RIMS2: variants seen among roughly 807,000 people sequenced by gnomAD.
The protein encoded by RIMS2 is regulating synaptic membrane exocytosis protein 2.
A neutral mutation model predicts 174.4 loss-of-function variants in RIMS2; 59 were observed. That is an observed-to-expected ratio of 0.34 (90% CI 0.27 to 0.42). The LOEUF is 0.42. RIMS2 is among the 10% of genes least tolerant of loss of function. The probability of loss-of-function intolerance (pLI) is 1.00; values close to 1 mark genes in which losing one functional copy is unlikely to be tolerated. For synonymous variants in RIMS2, 606 were observed against 572.5 expected (o/e 1.06, Z -0.84); for missense variants, 1,620 against 1,666.3 (o/e 0.97, Z 0.48).
intron 2 of RIMS2, among the ~76,000 whole-genome samples, chr8:103,707,309 C>A (rs1380350690): frequency 6.6e-6 from 1 of 152,162 alleles, no homozygotes; most frequent in African/African-American, 2.4e-5. Context: ...GTCATATGTT[C>A]CTGAATGTTC....
chr8:103,761,693 A>T (rs537481617), intron 2 of RIMS2, among the ~76,000 whole-genome samples: 12 of 152,350 alleles, frequency 7.9e-5, no homozygotes, highest in African/African-American at 2.9e-4. Context: ...AAGTTGTTGA[A>T]TAGCTAGCCA....
chr8:103,599,984 A>T (rs1339048936), intron 1 of RIMS2, among the ~76,000 whole-genome samples: 1 of 151,932 alleles, frequency 6.6e-6, no homozygotes, highest in Non-Finnish European at 1.5e-5. Flanking sequence ...ATATGGTCTT[A>T]CTCATTCTTT....
intron 1 of RIMS2, among the ~76,000 whole-genome samples, chr8:103,607,343 G>A (rs1466420471): frequency 1.3e-5 from 2 of 151,930 alleles, no homozygotes; most frequent in Non-Finnish European, 2.9e-5. Flanking sequence ...ACTCTCTTCT[G>A]GCTTGTAGGG....
At position 103,587,458 on chromosome 8, in the gene RIMS2, A is replaced by AAGAAAGAAAGAAAGAG. The variant is rs1554653614; in HGVS notation, c.176+86409_176+86410insGAGAGAAAGAAAGAAA. The stretch of plus-strand genomic sequence containing the variant: ...AAAGAAAGAAAGAAAGAAAGAAAGA[A>AAGAAAGAAAGAAAGAG]AGAAAGAAAGAAACTATGCACCAAT... On this transcript the variant is annotated intron_variant, in intron 1 of 23. Transcript: ENST00000504942. Among the ~76,000 whole-genome samples, 9 of 116,058 alleles carry AAGAAAGAAAGAAAGAG rather than the reference A, an allele frequency of 7.8e-5. No homozygotes were observed. The East Asian group carries it at 1.6e-3, about 21-fold the overall frequency. 76.1% of individuals were successfully genotyped at this position (116,058 alleles called of 152,430 possible).
At chr8:104,251,574 A>G (rs982706521) in intron 23 of RIMS2, 28 bp from the exon 30 acceptor site, 2 of 1,187,638 alleles carry the variant, frequency 1.7e-6, no homozygotes, top group Non-Finnish European at 2.5e-6. Flanking sequence ...TTACACTGAC[A>G]TCACTCTACT....
intron 1 of RIMS2, among the ~76,000 whole-genome samples, chr8:103,553,647 G>A (rs928451381): frequency 2.6e-5 from 4 of 151,926 alleles, no homozygotes; most frequent in African/African-American, 9.7e-5. Flanking sequence ...TACAGATTCA[G>A]TGCTATTCCT....
intron 2 of RIMS2, among the ~76,000 whole-genome samples, chr8:103,752,312 C>G (rs959987109): frequency 5.3e-5 from 8 of 152,016 alleles, no homozygotes; most frequent in African/African-American, 1.9e-4. Flanking sequence ...TGATCTATAT[C>G]TCTGTTTTGG....
At chr8:104,208,319 C>T (rs1454788206) in intron 19 of RIMS2, among the ~76,000 whole-genome samples, 2 of 151,782 alleles carry the variant, frequency 1.3e-5, no homozygotes, top group Non-Finnish European at 2.9e-5. Context: ...TGTAATCCCA[C>T]CATTTTGGGA....
intron 14 of RIMS2, among the ~76,000 whole-genome samples, chr8:103,946,562 T>C (rs2083837455): frequency 6.6e-6 from 1 of 152,020 alleles, no homozygotes; most frequent in South Asian, 2.1e-4. Flanking sequence ...ACAAAAGATG[T>C]TCAAACTCGT....
chr8:104,166,640 A>G (rs1403965599), intron 19 of RIMS2, among the ~76,000 whole-genome samples: 2 of 152,046 alleles, frequency 1.3e-5, no homozygotes, highest in Non-Finnish European at 2.9e-5. Flanking sequence ...AGCATACTCA[A>G]GGAACTAAAA....
chr8:103,599,316 G>A (rs1461592519), intron 1 of RIMS2, among the ~76,000 whole-genome samples: 1 of 150,114 alleles, frequency 6.7e-6, no homozygotes, highest in African/African-American at 2.5e-5. Context: ...AACTGTCCAA[G>A]GTATCACAAG....
At chr8:103,991,919 A>G (rs1322420519) in intron 17 of RIMS2, among the ~76,000 whole-genome samples, 1 of 152,146 alleles carries the variant, frequency 6.6e-6, no homozygotes, top group African/African-American at 2.4e-5. Context: ...GACTCGTATC[A>G]ACTTTATTGA....
intron 2 of RIMS2, among the ~76,000 whole-genome samples, chr8:103,701,506 A>G (rs1311227242): frequency 6.6e-6 from 1 of 152,046 alleles, no homozygotes; most frequent in Non-Finnish European, 1.5e-5. Context: ...TCTTGTTGTA[A>G]CTGAGCACTG....
At chr8:103,667,324 C>T (rs2096683212) in intron 1 of RIMS2, among the ~76,000 whole-genome samples, 1 of 152,084 alleles carries the variant, frequency 6.6e-6, no homozygotes, top group Non-Finnish European at 1.5e-5. Context: ...TTTTTGTGCA[C>T]CCATAGTCTT....
intron 2 of RIMS2, among the ~76,000 whole-genome samples, chr8:103,699,316 C>T (rs905316238): frequency 6.6e-6 from 1 of 152,040 alleles, no homozygotes; most frequent in Non-Finnish European, 1.5e-5. Context: ...AGTCTTGACC[C>T]CCTGGGCTCA....
At chr8:104,197,177 CTTT>C (rs34674014) in intron 19 of RIMS2, among the ~76,000 whole-genome samples, 1 of 138,542 alleles carries the variant, frequency 7.2e-6, no homozygotes, top group Non-Finnish European at 1.5e-5. Flanking sequence ...TAAACATAAG[CTTT>C]TTTTTTTTTT....
intron 1 of RIMS2, among the ~76,000 whole-genome samples, chr8:103,600,167 G>A (rs1424574413): frequency 1.3e-5 from 2 of 152,096 alleles, no homozygotes; most frequent in Non-Finnish European, 2.9e-5. Flanking sequence ...TTCCGTGCCT[G>A]TCTTACCCCC....
chr8:104,157,775 T>A (rs1447736521), intron 19 of RIMS2, among the ~76,000 whole-genome samples: 1 of 152,202 alleles, frequency 6.6e-6, no homozygotes, highest in Non-Finnish European at 1.5e-5. Context: ...AATGCTACTA[T>A]GTATATGGGG....
At chr8:104,109,338 C>G (rs903488271) in intron 19 of RIMS2, among the ~76,000 whole-genome samples, 1 of 151,308 alleles carries the variant, frequency 6.6e-6, no homozygotes, top group Admixed American at 6.6e-5. Flanking sequence ...TCTAAGTCCC[C>G]CAAAAACATG....
Sources: gnomAD v4.1 joint callset for allele counts (sites outside exome capture counted in the v4.1 genomes callset) on GRCh38, gnomAD v4.1.1 for gene constraint, MANE v1.5 for transcripts, NCBI Gene and HGNC (gene_info 2026-07-23, HGNC 2026-07-21) for gene names.